INSR: variants seen among roughly 807,000 people sequenced by gnomAD.
The protein encoded by INSR is insulin receptor, also known as IR.
A neutral mutation model predicts 142.6 loss-of-function variants in INSR; 67 were observed. The observed-to-expected ratio is 0.47, with a 90% CI of 0.39 to 0.58. The LOEUF (loss-of-function observed/expected upper bound fraction) is 0.58. INSR is among the 20% of genes least tolerant of loss of function. The pLI, the probability that INSR is intolerant of heterozygous loss-of-function variation, is 0.00. For synonymous variants in INSR, 756 were observed against 743.1 expected, an observed-to-expected ratio of 1.02 and a Z score of -0.28; for missense variants, 1,248 against 1,833.2, an observed-to-expected ratio of 0.68 and a Z score of 5.83.
At chr19:7,139,548 A>G (rs943537328) in intron 13 of INSR, among the ~76,000 whole-genome samples, 1 of 152,344 alleles carries the variant, frequency 6.6e-6, no homozygotes, top group East Asian at 1.9e-4. Context: ...TTAGAGGCAT[A>G]TGCACGTTTC....
chr19:7,250,466 G>GAAAGAAGAAAGAAAAGGAAGA (rs1976687492), intron 2 of INSR, among the ~76,000 whole-genome samples: 3 of 73,136 alleles, frequency 4.1e-5, no homozygotes, highest in Admixed American at 2.9e-4. Context: ...AGGAAGAAAA[G>GAAAGAAGAAAGAAAAGGAAGA]AAAGAAAGAA....
intron 2 of INSR, among the ~76,000 whole-genome samples, chr19:7,263,548 G>A (rs534435329): frequency 3.8e-4 from 58 of 152,170 alleles, no homozygotes; most frequent in African/African-American, 1.4e-3. Context: ...AACAAGCCCG[G>A]TTCTTTTTAT....
intron 13 of INSR, among the ~76,000 whole-genome samples, chr19:7,139,912 G>C (rs8100585): frequency 0.92 from 138,018 of 150,024 alleles, 63,537 homozygotes; most frequent in East Asian, 1. Context: ...CAACCTTTGC[G>C]TCCCGGGTTC....
At chr19:7,180,093 CA>C (rs1415712061) in intron 3 of INSR, among the ~76,000 whole-genome samples, 5 of 152,202 alleles carry the variant, frequency 3.3e-5, no homozygotes, top group Non-Finnish European at 7.3e-5. Context: ...CCAGGCCAGA[CA>C]AACCTTCAGT....
chr19:7,181,523 C>T (rs1974273938), intron 3 of INSR, among the ~76,000 whole-genome samples: 1 of 151,990 alleles, frequency 6.6e-6, no homozygotes, highest in Admixed American at 6.6e-5. Context: ...CTATTACATC[C>T]CAGCAGGTAC....
chr19:7,112,795 T>C lies in INSR; in HGVS notation c.*4261A>G, dbSNP rs747276964. 1.3e-5 allele frequency: 2 copies of C among 152,002 alleles called. No homozygotes were observed. The highest frequency in any genetic ancestry group is 2.9e-5 in the Non-Finnish European group (2 of 67,986). 9.4% of individuals were successfully genotyped at this position (152,002 alleles called of 1,614,324 possible). Reference sequence around the variant, plus strand: ...CCTCACTCCCATTTCTCGGGGACCCTTAAGGAAATATTCACCTTCCATTGC... The same window carrying C: ...CCTCACTCCCATTTCTCGGGGACCCCTAAGGAAATATTCACCTTCCATTGC... On this transcript the variant is annotated 3_prime_UTR_variant, in exon 22 of 22. Transcript: ENST00000302850.
chr19:7,172,542 C>T (rs1459184790), intron 4 of INSR, 108 bp from the exon 5 acceptor site: 8 of 1,221,422 alleles, frequency 6.5e-6, no homozygotes, highest in South Asian at 1.2e-5. Context: ...ACTGGACATA[C>T]CCAGCTCAAA....
At chr19:7,123,525 C>G (rs891717012) in intron 17 of INSR, among the ~76,000 whole-genome samples, 24 of 152,074 alleles carry the variant, frequency 1.6e-4, no homozygotes, top group African/African-American at 5.8e-4. Context: ...TCCACAGGGC[C>G]CAGCTCCTCA....
chr19:7,193,919 C>A lies in INSR; in HGVS notation c.653-9282G>T, dbSNP rs547583961. ...GTCTCACAATATTGCCCAGGCTGGT[C>A]TTGAACTCCTAGGCTCAAGAGATCC... On this transcript the variant is annotated intron_variant, in intron 2 of 21. Transcript: ENST00000302850. 2.4e-4 allele frequency among the ~76,000 whole-genome samples: 37 copies of A among 151,738 alleles called. 1 individual carries two copies. The South Asian group carries it at 5.4e-3, about 22-fold the overall frequency.
Position 7,161,787 on chromosome 19 carries a change from G to A in INSR, c.2029+1245C>T, listed in dbSNP as rs750044926. The stretch of plus-strand genomic sequence containing the variant: ...AGGCAGGGAGGGAGAAAGAAGGAGA[G>A]ACAAGAGGAGAAAATCCCAGAGGGA... On this transcript the variant is annotated intron_variant, in intron 9 of 21. Coordinates refer to ENST00000302850, the MANE Select transcript of INSR (RefSeq NM_000208.4). Among the ~76,000 whole-genome samples, 48 of 152,222 alleles carry A rather than the reference G, an allele frequency of 3.2e-4. 1 individual carries two copies. In the Middle Eastern group the frequency reaches 0.034, roughly 109 times the overall value.
At chr19:7,241,830 G>A (rs1332627957) in intron 2 of INSR, among the ~76,000 whole-genome samples, 1 of 147,430 alleles carries the variant, frequency 6.8e-6, no homozygotes, top group Non-Finnish European at 1.5e-5. Flanking sequence ...TAACACTGTT[G>A]AGGCTGAGAA....
chr19:7,195,809 T>A (rs573682175), intron 2 of INSR, among the ~76,000 whole-genome samples: 5 of 152,056 alleles, frequency 3.3e-5, no homozygotes. Flanking sequence ...TAGGGCAATA[T>A]TGAGACAACA....
chr19:7,264,094 A>C (rs1032068914), intron 2 of INSR, among the ~76,000 whole-genome samples: 3 of 151,864 alleles, frequency 2.0e-5, no homozygotes, highest in Non-Finnish European at 4.4e-5. Flanking sequence ...GCTTGAAGCC[A>C]GGAGGCAGAA....
intron 1 of INSR, chr19:7,268,602 C>T (rs1051975554): frequency 1.6e-5 from 16 of 985,180 alleles, no homozygotes; most frequent in Non-Finnish European, 1.9e-5. Context: ...ACAACTCTTG[C>T]ACAACTCCAA....
At chr19:7,280,959 A>G (rs1182055430) in intron 1 of INSR, among the ~76,000 whole-genome samples, 1 of 152,092 alleles carries the variant, frequency 6.6e-6, no homozygotes, top group African/African-American at 2.4e-5. Flanking sequence ...AAGGCCAGGG[A>G]CTAGGAAGGG....
chr19:7,234,777 G>A (rs777009352), intron 2 of INSR, among the ~76,000 whole-genome samples: 2 of 152,022 alleles, frequency 1.3e-5, no homozygotes, highest in Non-Finnish European at 2.9e-5. Flanking sequence ...AAATATTTCT[G>A]GGCCCGGCGC....
Position 7,259,082 on chromosome 19 carries a change from T to TCCTTCCCG in INSR, c.652+8255_652+8262dup, listed in dbSNP as rs1159720338. Among the ~76,000 whole-genome samples the TCCTTCCCG allele has an allele frequency of 5.1e-5, 3 of 59,354 alleles. No individual in the cohort carries two copies. The South Asian group carries it at 1.7e-3, about 34-fold the overall frequency. The allele number at this position is 59,354 out of a possible 152,430, so 38.9% of individuals were successfully genotyped here. ...CTTCCTTTCTCCTTCCCTCCTTCTT[T>TCCTTCCCG]CCTTCCCGCCTTCCCTCCTTCCTTC... is the stretch of plus-strand genomic sequence containing the variant. On this transcript the variant is annotated intron_variant, in intron 2 of 21. Transcript: ENST00000302850.
In INSR at chr19:7,114,909, G is replaced by T. The variant is rs939209373; in HGVS notation, c.*2147C>A. On this transcript the variant is annotated 3_prime_UTR_variant, in exon 22 of 22. Transcript: ENST00000302850. ...GAGAACAAAATACCTAGTTCTACGT[G>T]TTTTTTTTTTAAATTTAGGTACAGA... 4 of 149,922 alleles carry T rather than the reference G, an allele frequency of 2.7e-5. No individual in the cohort carries two copies. Among genetic ancestry groups the T allele is most frequent in the Admixed American group, 1.3e-4 (2 of 15,036 alleles). 9.3% of individuals were successfully genotyped at this position (149,922 alleles called of 1,614,324 possible).
chr19:7,157,603 C>T (rs1436465640), intron 9 of INSR, among the ~76,000 whole-genome samples: 2 of 151,900 alleles, frequency 1.3e-5, no homozygotes, highest in African/African-American at 4.8e-5. Context: ...TCTTAAGCCC[C>T]GAAGTCAAAT....
Sources: gnomAD v4.1 joint callset for allele counts (sites outside exome capture counted in the v4.1 genomes callset) on GRCh38, gnomAD v4.1.1 for gene constraint, MANE v1.5 for transcripts, NCBI Gene and HGNC (gene_info 2026-07-23, HGNC 2026-07-21) for gene names.